The following TTLL8 variants were observed in gnomAD, a reference collection of about 807,000 sequenced individuals.
The protein encoded by TTLL8 is tubulin tyrosine ligase like 8, also known as protein monoglycylase TTLL8.
Under a neutral mutation model 77.8 loss-of-function variants are expected in TTLL8, and 65 were observed. The observed-to-expected ratio is 0.84, with a 90% CI of 0.68 to 1.03. TTLL8 has a LOEUF of 1.03. TTLL8 is among the 50% of genes least tolerant of loss of function. The pLI is 0.00. For synonymous variants in TTLL8, 402 were observed against 422.8 expected (o/e 0.95, Z 0.60); for missense variants, 910 against 1,004.5 (o/e 0.91, Z 1.27).
chr22:50,040,657 C>T lies in TTLL8; in HGVS notation c.921+530G>A, dbSNP rs951491522. 4.6e-5 allele frequency among the ~76,000 whole-genome samples: 7 copies of T among 152,090 alleles called. No homozygotes were observed. In the East Asian group the frequency reaches 5.8e-4, roughly 13 times the overall value. ...TGATTATACACTGTGTGCCCTTAAC[C>T]GTATTTATGTAATCCCTCAATAAAA... On this transcript the variant is annotated intron_variant, in intron 8 of 13. Transcript: ENST00000266182.
At chr22:50,028,478 G>A (rs1297429050) in intron 12 of TTLL8, among the ~76,000 whole-genome samples, 2 of 152,286 alleles carry the variant, frequency 1.3e-5, no homozygotes, top group Admixed American at 6.5e-5. Context: ...GAGGAACTTC[G>A]CCTCCCGTGG....
chr22:50,057,755 G>A (rs1340189341), upstream of TTLL8, among the ~76,000 whole-genome samples: 5 of 148,196 alleles, frequency 3.4e-5, no homozygotes, highest in African/African-American at 1.3e-4. Flanking sequence ...CTCAATTGGG[G>A]ATCAGGTCTA....
chr22:50,055,102 G>A (rs2061463907), upstream of TTLL8: 1 of 1,144,540 alleles, frequency 8.7e-7, no homozygotes, highest in African/African-American at 1.6e-5. Flanking sequence ...CATGAGCCAA[G>A]TCCCCACAGG....
At chr22:50,043,951 T>C (rs981043998) in intron 6 of TTLL8, among the ~76,000 whole-genome samples, 1 of 152,166 alleles carries the variant, frequency 6.6e-6, no homozygotes, top group Non-Finnish European at 1.5e-5. Context: ...CACGGCATCA[T>C]ACATTGTCCA....
upstream of TTLL8, among the ~76,000 whole-genome samples, chr22:50,056,378 G>C (rs1315994173): frequency 6.6e-6 from 1 of 151,900 alleles, no homozygotes; most frequent in Non-Finnish European, 1.5e-5. This position sits in a 1 kb window ranked among gnomAD's most constrained non-coding sequence, Gnocchi z 4.1. Flanking sequence ...AAATGGCAGC[G>C]AGGACACCCA....
intron 1 of TTLL8, among the ~76,000 whole-genome samples, chr22:50,054,234 C>T (rs116347178): frequency 1.3e-5 from 2 of 152,146 alleles, no homozygotes; most frequent in African/African-American, 2.4e-5. Flanking sequence ...CAAAGAAAGC[C>T]GCCTTTCCCC....
exon 12 of TTLL8, chr22:50,030,522 T>A (rs748787350): frequency 2.9e-5 from 39 of 1,334,036 alleles, no homozygotes; most frequent in Non-Finnish European, 3.0e-5. Flanking sequence ...CTGGTTTGGA[T>A]CCCAGCTTTT....
chr22:50,024,585 GAAC>G (rs2061221421), intron 12 of TTLL8, among the ~76,000 whole-genome samples: 1 of 152,190 alleles, frequency 6.6e-6, no homozygotes, highest in African/African-American at 2.4e-5. Context: ...GATGGTGCTG[GAAC>G]AACTGGACAG....
At chr22:50,028,182 G>T (rs1355534046) in intron 12 of TTLL8, among the ~76,000 whole-genome samples, 1 of 152,242 alleles carries the variant, frequency 6.6e-6, no homozygotes, top group Non-Finnish European at 1.5e-5. Context: ...AACCCTGGTG[G>T]CATGGCTGGT....
upstream of TTLL8, among the ~76,000 whole-genome samples, chr22:50,056,228 C>T (rs981602576): frequency 5.3e-5 from 8 of 152,212 alleles, no homozygotes; most frequent in East Asian, 7.7e-4. This position sits in a 1 kb window ranked among gnomAD's most constrained non-coding sequence, Gnocchi z 4.1. Flanking sequence ...GAGGCCATAG[C>T]GCGATTTAAC....
exon 11 of TTLL8, chr22:50,032,109 G>A (rs1403980181): frequency 8.1e-6 from 11 of 1,353,586 alleles, no homozygotes; most frequent in East Asian, 4.6e-5. Flanking sequence ...GGTGGATGGC[G>A]CTGCAGGGGG....
rs143537508 is a variant in TTLL8 at position 50,026,226 on chromosome 22, G to A, written c.2203+4204C>T. Among the ~76,000 whole-genome samples, 72 of 152,010 alleles carry A rather than the reference G, an allele frequency of 4.7e-4. 2 individuals carry two copies. The East Asian group carries it at 0.013, about 28-fold the overall frequency. On this transcript the variant is annotated intron_variant, in intron 12 of 13. Transcript: ENST00000266182. The stretch of plus-strand genomic sequence containing the variant: ...TGCACACTCGTCACACTGTACAGCC[G>A]CTGCACCTCAGAGTGCAGGGTCAGA...
chr22:50,053,899 C>T (rs994544927), intron 1 of TTLL8, among the ~76,000 whole-genome samples: 4 of 151,966 alleles, frequency 2.6e-5, no homozygotes, highest in African/African-American at 4.8e-5. Flanking sequence ...TGTGTCCGGC[C>T]GTAACATCAC....
intron 11 of TTLL8, 47 bp from the exon 13 acceptor site, chr22:50,030,972 G>A: frequency 7.7e-7 from 1 of 1,294,614 alleles, no homozygotes; most frequent in Non-Finnish European, 1.0e-6. Flanking sequence ...GCCGGGATAG[G>A]GGGGGTCCCT....
intron 8 of TTLL8, among the ~76,000 whole-genome samples, chr22:50,036,588 C>CTTTCT (rs1282933071): frequency 4.0e-5 from 6 of 150,496 alleles, no homozygotes; most frequent in African/African-American, 7.3e-5. Context: ...TGTGTGGCCT[C>CTTTCT]TTTCTTTTCT....
chr22:50,030,081 G>T, intron 12 of TTLL8: 1 of 814,862 alleles, frequency 1.2e-6, no homozygotes, highest in Non-Finnish European at 1.5e-6. Context: ...GGAGCTTGGT[G>T]CTGTTCACGG....
intron 12 of TTLL8, among the ~76,000 whole-genome samples, chr22:50,023,790 G>A (rs1378497527): frequency 3.9e-5 from 6 of 152,148 alleles, no homozygotes; most frequent in African/African-American, 1.2e-4. Context: ...GGAGGCCGAG[G>A]TGGGCAGATC....
intron 10 of TTLL8, 88 bp from the exon 12 acceptor site, chr22:50,032,197 C>A: frequency 7.9e-7 from 1 of 1,258,466 alleles, no homozygotes. Context: ...CTGAGCCCAC[C>A]CAGCTGGCTC....
In TTLL8 at chr22:50,050,067, C is replaced by T. The variant is rs377626854; in HGVS notation, c.190+42G>A. 24 of 1,354,198 alleles carry T rather than the reference C, an allele frequency of 1.8e-5. No individual in the cohort carries two copies. The African/African-American group carries it at 1.8e-4, about 10-fold the overall frequency. 83.9% of individuals were successfully genotyped at this position (1,354,198 alleles called of 1,614,324 possible). A position where few individuals can be genotyped will look rare whatever the true frequency, so the allele number is the denominator to read the frequency against. ...GCCGACTCCTCCTGCCCGTGACAGA[C>T]GCACACGCCCTGAGCTGAGACGTGC... On this transcript the variant is annotated intron_variant, in intron 2 of 13. Transcript: ENST00000266182.
Sources: allele counts gnomAD v4.1 joint callset (sites outside exome capture counted in the v4.1 genomes callset), GRCh38; gene constraint gnomAD v4.1.1; non-coding constraint Gnocchi (gnomAD v3.1); transcripts MANE v1.5; gene names NCBI Gene and HGNC (gene_info 2026-07-23, HGNC 2026-07-21).